TBC1D22A: variants seen among roughly 807,000 people sequenced by gnomAD.
The protein encoded by TBC1D22A is TBC1 domain family member 22A.
In TBC1D22A, 38 loss-of-function variants were observed where a neutral mutation model predicts 60.2. That is an observed-to-expected ratio of 0.63 (90% confidence interval 0.49 to 0.83). The LOEUF (loss-of-function observed/expected upper bound fraction) is 0.83, where lower values mean the gene tolerates loss of function less well. Among genes scored for constraint, TBC1D22A ranks in the 40% least tolerant of loss-of-function variants. The probability of loss-of-function intolerance (pLI) is 0.00; values close to 1 mark genes in which losing one functional copy is unlikely to be tolerated. For synonymous variants in TBC1D22A, 302 were observed against 281.7 expected (o/e 1.07, Z -0.72); for missense variants, 628 against 701.0 (o/e 0.90, Z 1.18).
At chr22:47,167,727 A>T (rs780626516) in intron 12 of TBC1D22A, among the ~76,000 whole-genome samples, 25 of 152,288 alleles carry the variant, frequency 1.6e-4, no homozygotes, top group Non-Finnish European at 3.7e-4. Flanking sequence ...GTGCATGCTG[A>T]TAGGTCCATG....
intron 8 of TBC1D22A, among the ~76,000 whole-genome samples, chr22:46,933,590 A>G (rs1304355559): frequency 2.0e-5 from 3 of 151,944 alleles, no homozygotes; most frequent in Non-Finnish European, 2.9e-5. Flanking sequence ...CAGGGATGCT[A>G]TTTAATTCTG....
intron 4 of TBC1D22A, among the ~76,000 whole-genome samples, chr22:46,806,771 G>T (rs2085158349): frequency 6.6e-6 from 1 of 152,220 alleles, no homozygotes; most frequent in Admixed American, 6.5e-5. Flanking sequence ...AGTGATGGGA[G>T]CCTGAGAGGG....
intron 12 of TBC1D22A, among the ~76,000 whole-genome samples, chr22:47,150,877 A>C (rs998054960): frequency 6.6e-6 from 1 of 152,060 alleles, no homozygotes; most frequent in Non-Finnish European, 1.5e-5. Flanking sequence ...CTGCTGAATG[A>C]TGGTGCCATT....
At chr22:47,069,216 G>A (rs1449113263) in intron 11 of TBC1D22A, among the ~76,000 whole-genome samples, 1 of 152,268 alleles carries the variant, frequency 6.6e-6, no homozygotes, top group Admixed American at 6.5e-5. Flanking sequence ...ATTTCCAAGT[G>A]AGATCTGGCA....
intron 12 of TBC1D22A, among the ~76,000 whole-genome samples, chr22:47,136,844 C>G (rs5766692): frequency 0.014 from 2,137 of 151,934 alleles, 56 homozygotes; most frequent in African/African-American, 0.046. Flanking sequence ...CCTGTTGCAT[C>G]GGTAGGGTGG....
chr22:46,874,739 A>C (rs2067466783), intron 4 of TBC1D22A, among the ~76,000 whole-genome samples: 1 of 151,646 alleles, frequency 6.6e-6, no homozygotes, highest in Non-Finnish European at 1.5e-5. Flanking sequence ...ACGCCTGGCT[A>C]ATTTTTCTAT....
chr22:46,783,194 C>T (rs144571541), intron 1 of TBC1D22A, among the ~76,000 whole-genome samples: 96 of 152,270 alleles, frequency 6.3e-4, no homozygotes, highest in African/African-American at 2.1e-3. Flanking sequence ...TTTCTCTGAT[C>T]GCTAATGATA....
chr22:46,773,759 A>G (rs2083585895), intron 1 of TBC1D22A, among the ~76,000 whole-genome samples: 1 of 152,198 alleles, frequency 6.6e-6, no homozygotes, highest in South Asian at 2.1e-4. Flanking sequence ...GGTGTGAGCC[A>G]CTGCACCCGG....
intron 1 of TBC1D22A, among the ~76,000 whole-genome samples, chr22:46,787,302 T>G (rs1243559913): frequency 6.6e-6 from 1 of 152,194 alleles, no homozygotes; most frequent in Non-Finnish European, 1.5e-5. Flanking sequence ...TTCCTTATAT[T>G]TAAGGAAACA....
At chr22:46,932,939 A>G (rs900995064) in intron 8 of TBC1D22A, among the ~76,000 whole-genome samples, 3 of 151,856 alleles carry the variant, frequency 2.0e-5, no homozygotes, top group African/African-American at 7.3e-5. Context: ...TGGTTAGGCT[A>G]GTCTTGAACT....
chr22:46,978,860 C>G (rs2074405345), intron 9 of TBC1D22A, among the ~76,000 whole-genome samples: 1 of 152,206 alleles, frequency 6.6e-6, no homozygotes, highest in African/African-American at 2.4e-5. Context: ...CTGCCCGCCT[C>G]AGCCTCCCAA....
chr22:47,029,557 C>T (rs1165286800), intron 10 of TBC1D22A, among the ~76,000 whole-genome samples: 2 of 152,208 alleles, frequency 1.3e-5, no homozygotes, highest in Non-Finnish European at 2.9e-5. Flanking sequence ...CCTTAATGTG[C>T]TCTCTGGTGT....
At chr22:47,013,037 A>C (rs941852231) in intron 10 of TBC1D22A, among the ~76,000 whole-genome samples, 1 of 152,182 alleles carries the variant, frequency 6.6e-6, no homozygotes, top group African/African-American at 2.4e-5. Flanking sequence ...GGCTCCCTGC[A>C]TCTGGCCCTC....
chr22:46,813,908 A>G (rs1343924230), intron 4 of TBC1D22A, among the ~76,000 whole-genome samples: 1 of 152,220 alleles, frequency 6.6e-6, no homozygotes. Flanking sequence ...AGTATTTGGG[A>G]AAGTGGCGTG....
chr22:46,993,465 A>G (rs1326439144), intron 9 of TBC1D22A, among the ~76,000 whole-genome samples: 3 of 152,200 alleles, frequency 2.0e-5, no homozygotes, highest in Non-Finnish European at 4.4e-5. Flanking sequence ...TGAAGGGAAT[A>G]ATGTTAATAT....
chr22:46,828,097 A>G (rs1467957209), intron 4 of TBC1D22A, among the ~76,000 whole-genome samples: 6 of 152,326 alleles, frequency 3.9e-5, no homozygotes, highest in Middle Eastern at 3.4e-3. Flanking sequence ...TCTTGAGGCC[A>G]GGGGGCTGCT....
At chr22:46,971,756 G>T (rs967638054) in intron 8 of TBC1D22A, among the ~76,000 whole-genome samples, 3 of 152,244 alleles carry the variant, frequency 2.0e-5, no homozygotes, top group Non-Finnish European at 2.9e-5. Flanking sequence ...TGAACCGGCA[G>T]AAATAACACC....
intron 8 of TBC1D22A, among the ~76,000 whole-genome samples, chr22:46,912,780 C>T (rs988732819): frequency 6.6e-6 from 1 of 152,182 alleles, no homozygotes; most frequent in Non-Finnish European, 1.5e-5. Flanking sequence ...TGGTCTCGAA[C>T]TCCTGACCTC....
At chr22:46,941,586 T>TATATACGGAATATATATACGCGGAAC (rs1555960082) in intron 8 of TBC1D22A, among the ~76,000 whole-genome samples, 2,459 of 140,694 alleles carry the variant, frequency 0.017, 121 homozygotes, top group Non-Finnish European at 0.029. Flanking sequence ...ATACAGGGAA[T>TATATACGGAATATATATACGCGGAAC]ATATATACGG....
Sources: gnomAD v4.1 joint callset for allele counts (sites outside exome capture counted in the v4.1 genomes callset) on GRCh38, gnomAD v4.1.1 for gene constraint, MANE v1.5 for transcripts, NCBI Gene and HGNC (gene_info 2026-07-23, HGNC 2026-07-21) for gene names.